TBCB: variants seen among roughly 807,000 people sequenced by gnomAD.
The protein encoded by TBCB is tubulin-folding cofactor B.
In TBCB, 18 loss-of-function variants were observed where a neutral mutation model predicts 29.2. The observed-to-expected ratio is 0.62, with a 90% CI of 0.43 to 0.91. The LOEUF (loss-of-function observed/expected upper bound fraction) is 0.91. Among genes scored for constraint, TBCB ranks in the 40% least tolerant of loss-of-function variants. The pLI, the probability that TBCB is intolerant of heterozygous loss-of-function variation, is 0.00. For missense variants in TBCB, 336 were observed against 337.6 expected, an observed-to-expected ratio of 1.00 and a Z score of 0.04; for synonymous variants, 172 against 137.8, an observed-to-expected ratio of 1.25 and a Z score of -1.74.
At chr19:36,119,241 T>C (rs1974004747) in intron 2 of TBCB, among the ~76,000 whole-genome samples, 1 of 152,170 alleles carries the variant, frequency 6.6e-6, no homozygotes, top group African/African-American at 2.4e-5. Flanking sequence ...GAACTTCAAA[T>C]TTGTGAAAAT....
Position 36,123,806 on chromosome 19 carries a change from C to T in TBCB, c.548-1645C>T, listed in dbSNP as rs147822873. Among the ~76,000 whole-genome samples, 4 of 152,278 alleles carry T rather than the reference C, an allele frequency of 2.6e-5. No individual in the cohort carries two copies. In the East Asian group the frequency reaches 7.8e-4, roughly 30 times the overall value. On this transcript the variant is annotated intron_variant, in intron 4 of 5. Transcript: ENST00000221855. ...AGGAGAATCGCTTGAGCCTGGGAGG[C>T]GGAGGTTGCAGTGAGCCAAGATCAC...
chr19:36,125,587 T>A (rs1974124415), intron 5 of TBCB, 64 bp downstream of exon 5: 1 of 1,610,506 alleles, frequency 6.2e-7, no homozygotes, highest in Non-Finnish European at 8.5e-7. Context: ...GCGTGCTGCT[T>A]GCTGAGCTGC....
chr19:36,122,774 G>T (rs887391398), intron 4 of TBCB, among the ~76,000 whole-genome samples: 29 of 142,548 alleles, frequency 2.0e-4, no homozygotes, highest in Non-Finnish European at 3.5e-4. Context: ...AAAAAAAAAA[G>T]ATACACGGGG....
chr19:36,123,231 A>G (rs1023305601), intron 4 of TBCB, among the ~76,000 whole-genome samples: 2 of 150,828 alleles, frequency 1.3e-5, no homozygotes, highest in South Asian at 2.1e-4. Context: ...GCTATTATGA[A>G]TAATGCTGCT....
chr19:36,117,173 C>G (rs1186052113), intron 2 of TBCB, among the ~76,000 whole-genome samples: 1 of 152,110 alleles, frequency 6.6e-6, no homozygotes, highest in African/African-American at 2.4e-5. Flanking sequence ...TTTGTGTTTA[C>G]AAGTAATTCT....
intron 2 of TBCB, among the ~76,000 whole-genome samples, chr19:36,119,972 G>A (rs147021992): frequency 7.9e-4 from 112 of 140,886 alleles, no homozygotes; most frequent in African/African-American, 2.5e-3. Context: ...CACCCCACCC[G>A]CACCACCCAC....
chr19:36,121,830 G>GC (rs1568383630), intron 4 of TBCB, 112 bp downstream of exon 4: 1 of 1,355,818 alleles, frequency 7.4e-7, no homozygotes, highest in Non-Finnish European at 1.0e-6. Context: ...CGCGGGGTTG[G>GC]GGGGGACTCG....
At chr19:36,117,539 T>C (rs1568381929) in intron 2 of TBCB, among the ~76,000 whole-genome samples, 2 of 151,490 alleles carry the variant, frequency 1.3e-5, no homozygotes, top group South Asian at 4.2e-4. Context: ...TTAAGTAGAG[T>C]TGGGGTTTCA....
intron 4 of TBCB, among the ~76,000 whole-genome samples, chr19:36,123,341 G>C (rs1974088776): frequency 6.8e-6 from 1 of 147,192 alleles, no homozygotes; most frequent in South Asian, 2.1e-4. Flanking sequence ...GGCCATTTCA[G>C]CCTTAACCTC....
chr19:36,120,831 GT>G (rs760845257), intron 3 of TBCB, 25 bp downstream of exon 3: 5 of 1,610,424 alleles, frequency 3.1e-6, no homozygotes, highest in African/African-American at 2.7e-5. Flanking sequence ...GCGTCGAGGG[GT>G]GCGTGGGGGC....
At chr19:36,122,590 ATC>A (rs1974073955) in intron 4 of TBCB, among the ~76,000 whole-genome samples, 1 of 149,642 alleles carries the variant, frequency 6.7e-6, no homozygotes, top group Non-Finnish European at 1.5e-5. Flanking sequence ...AAAAAAAAAA[ATC>A]CCACAAAACT....
intron 1 of TBCB, 80 bp downstream of exon 1, chr19:36,115,754 C>CG: frequency 9.5e-6 from 7 of 734,766 alleles, no homozygotes; most frequent in South Asian, 8.3e-5. Flanking sequence ...TGGGAGGGGC[C>CG]GGGGAGTGAC....
chr19:36,123,620 T>C (rs1465786028), intron 4 of TBCB, among the ~76,000 whole-genome samples: 1 of 152,106 alleles, frequency 6.6e-6, no homozygotes, highest in Non-Finnish European at 1.5e-5. Context: ...ATGCCTGTAA[T>C]TCCAGCACTT....
At chr19:36,120,916 G>A (rs539680282) in intron 3 of TBCB, 110 bp downstream of exon 3, 30 of 992,130 alleles carry the variant, frequency 3.0e-5, no homozygotes, top group South Asian at 4.4e-5. Flanking sequence ...TGGTGTAGAC[G>A]GGGGGCCGAG....
chr19:36,118,401 A>G (rs1006524109), intron 2 of TBCB: 3 of 152,268 alleles, frequency 2.0e-5, no homozygotes, highest in East Asian at 1.9e-4. Context: ...GACGAGAAGA[A>G]TAAAAAGAAT....
chr19:36,118,164 T>C (rs1973986990), intron 2 of TBCB, among the ~76,000 whole-genome samples: 2 of 152,212 alleles, frequency 1.3e-5, no homozygotes, highest in African/African-American at 2.4e-5. Flanking sequence ...GTTGATTAAC[T>C]GTTCATTCCC....
At chr19:36,116,310 A>C in intron 2 of TBCB, 126 bp downstream of exon 2, 11 of 1,280,144 alleles carry the variant, frequency 8.6e-6, no homozygotes, top group Middle Eastern at 2.5e-4. Context: ...CCTCCAGTGC[A>C]GCCTGACGAG....
At chr19:36,121,819 G>T (rs1974058497) in intron 4 of TBCB, 101 bp downstream of exon 4, 3 of 1,452,922 alleles carry the variant, frequency 2.1e-6, no homozygotes, top group Non-Finnish European at 1.9e-6. Flanking sequence ...CTGCCTAGGG[G>T]CGCGGGGTTG....
intron 2 of TBCB, 135 bp downstream of exon 2, chr19:36,116,319 A>AAC: frequency 8.4e-7 from 1 of 1,194,316 alleles, no homozygotes; most frequent in East Asian, 2.5e-5. Context: ...CAGCCTGACG[A>AAC]GAGACAGACC....
Sources: gnomAD v4.1 joint callset for allele counts (sites outside exome capture counted in the v4.1 genomes callset) on GRCh38, gnomAD v4.1.1 for gene constraint, MANE v1.5 for transcripts, NCBI Gene and HGNC (gene_info 2026-07-23, HGNC 2026-07-21) for gene names.